SPAG16: variants seen among roughly 807,000 people sequenced by gnomAD.
SPAG16 encodes the protein sperm associated antigen 16.
A neutral mutation model predicts 80.4 loss-of-function variants in SPAG16; 86 were observed. That is an observed-to-expected ratio of 1.07 (90% CI 0.90 to 1.28). The LOEUF (loss-of-function observed/expected upper bound fraction) is 1.28, where lower values mean the gene tolerates loss of function less well. SPAG16 is among the 50% of genes most tolerant of loss of function. The pLI, the probability that SPAG16 is intolerant of heterozygous loss-of-function variation, is 0.00. For missense variants in SPAG16, 870 were observed against 765.3 expected, an observed-to-expected ratio of 1.14 and a Z score of -1.61; for synonymous variants, 294 against 265.9, an observed-to-expected ratio of 1.11 and a Z score of -1.03.
intron 15 of SPAG16, among the ~76,000 whole-genome samples, chr2:214,196,400 A>G (rs2057839555): frequency 6.6e-6 from 1 of 152,038 alleles, no homozygotes; most frequent in Non-Finnish European, 1.5e-5. Context: ...AAATACGAAA[A>G]CAGAAAAACT....
Position 213,584,195 on chromosome 2 carries a change from CTA to C in SPAG16, c.1070+94106_1070+94107del, listed in dbSNP as rs1384313940. On this transcript the variant is annotated intron_variant, in intron 10 of 15. Coordinates refer to ENST00000331683, the MANE Select transcript of SPAG16 (RefSeq NM_024532.5). ...TTTCTTCATTGGATTTTTTTTTATA[CTA>C]GTCCAACTAGCATGCCTGGTGGTGT... Among the ~76,000 whole-genome samples, 235 of 152,074 alleles carry C rather than the reference CTA, an allele frequency of 1.5e-3. 3 individuals carry two copies. The highest frequency in any genetic ancestry group is 4.6e-3 in the African/African-American group (191 of 41,496).
At chr2:213,313,880 G>C (rs147503896) in intron 4 of SPAG16, among the ~76,000 whole-genome samples, 163 of 151,740 alleles carry the variant, frequency 1.1e-3, no homozygotes, top group Middle Eastern at 6.8e-3. Flanking sequence ...TGTCTGTGTT[G>C]GTAATGTATT....
intron 1 of SPAG16, among the ~76,000 whole-genome samples, chr2:213,293,332 G>T (rs1363513323): frequency 1.3e-5 from 2 of 152,124 alleles, no homozygotes; most frequent in Non-Finnish European, 2.9e-5. Flanking sequence ...GAACTAATAC[G>T]CATCCAGTGA....
chr2:213,537,382 A>G (rs2125905487), intron 10 of SPAG16, among the ~76,000 whole-genome samples: 1 of 152,230 alleles, frequency 6.6e-6, no homozygotes, highest in South Asian at 2.1e-4. Context: ...CTTTAAATAT[A>G]GTAATATGTT....
intron 11 of SPAG16, among the ~76,000 whole-genome samples, chr2:213,902,975 T>C (rs1436929273): frequency 6.6e-6 from 1 of 152,184 alleles, no homozygotes; most frequent in Admixed American, 6.5e-5. Flanking sequence ...CAAGATGATC[T>C]CCTTTGACTC....
chr2:214,048,300 A>C (rs555972175), intron 13 of SPAG16, among the ~76,000 whole-genome samples: 1 of 152,322 alleles, frequency 6.6e-6, no homozygotes, highest in South Asian at 2.1e-4. Context: ...CTAAGTGCCC[A>C]TCGACACTTA....
chr2:213,544,439 C>T (rs537056906), intron 10 of SPAG16, among the ~76,000 whole-genome samples: 1 of 152,030 alleles, frequency 6.6e-6, no homozygotes, highest in African/African-American at 2.4e-5. Flanking sequence ...CCCATACCCC[C>T]ACACGTACAT....
intron 13 of SPAG16, among the ~76,000 whole-genome samples, chr2:214,041,899 CTG>C (rs1277962535): frequency 2.1e-5 from 3 of 143,462 alleles, no homozygotes; most frequent in Non-Finnish European, 4.5e-5. Flanking sequence ...TATATATAGT[CTG>C]TGTATATATT....
rs1309895010 is a variant in SPAG16 at position 213,941,439 on chromosome 2, C to T, written c.1400+11294C>T. Among the ~76,000 whole-genome samples, 3 of 152,022 alleles carry T rather than the reference C, an allele frequency of 2.0e-5. No homozygotes were observed. In the East Asian group the frequency reaches 5.8e-4, roughly 29 times the overall value. On this transcript the variant is annotated intron_variant, in intron 12 of 15. Coordinates refer to ENST00000331683, the MANE Select transcript of SPAG16 (RefSeq NM_024532.5). The stretch of plus-strand genomic sequence containing the variant: ...TTTTGCATACATATATATTAATTGA[C>T]ACACACACAAACACACACATACGCA...
At chr2:213,987,325 A>C (rs951732556) in intron 12 of SPAG16, among the ~76,000 whole-genome samples, 22 of 152,148 alleles carry the variant, frequency 1.4e-4, no homozygotes, top group African/African-American at 5.3e-4. Context: ...CCGAATTAGG[A>C]CCTCAGAAGC....
intron 10 of SPAG16, among the ~76,000 whole-genome samples, chr2:213,782,942 A>G (rs1215750511): frequency 2.0e-5 from 3 of 152,068 alleles, no homozygotes; most frequent in Non-Finnish European, 2.9e-5. Flanking sequence ...ACATGTGCAC[A>G]TTGTGCAGGT....
At chr2:214,075,963 C>T (rs1383105372) in intron 13 of SPAG16, among the ~76,000 whole-genome samples, 1 of 152,088 alleles carries the variant, frequency 6.6e-6, no homozygotes. Context: ...TTCTTTCTGT[C>T]ATATCCCCTT....
At position 213,767,139 on chromosome 2, in the gene SPAG16, G is replaced by A. The variant is rs763772138; in HGVS notation, c.1071-95346G>A. The stretch of plus-strand genomic sequence containing the variant: ...TTCTTCAAAGGAAAAGGTTCTCTTC[G>A]TTATCTTCCAGGTGGGAAATTAATT... On this transcript the variant is annotated intron_variant, in intron 10 of 15. Transcript: ENST00000331683. Among the ~76,000 whole-genome samples, 10 of 152,202 alleles carry A rather than the reference G, an allele frequency of 6.6e-5. 1 individual carries two copies. Among genetic ancestry groups the A allele is most frequent in the South Asian group, 6.2e-4 (3 of 4,826 alleles).
intron 1 of SPAG16, 37 bp from the exon 2 acceptor site, chr2:213,296,027 T>C (rs748658083): frequency 9.5e-6 from 15 of 1,576,946 alleles, no homozygotes; most frequent in Admixed American, 3.3e-5. Flanking sequence ...AATTTTATTC[T>C]ATATTTTTTG....
intron 9 of SPAG16, among the ~76,000 whole-genome samples, chr2:213,393,939 C>T (rs1475346311): frequency 6.6e-6 from 1 of 151,796 alleles, no homozygotes; most frequent in African/African-American, 2.4e-5. Context: ...GATTGTTGGC[C>T]CTTGAAGTAT....
chr2:213,373,767 C>T (rs2066758143), intron 8 of SPAG16, among the ~76,000 whole-genome samples: 1 of 152,132 alleles, frequency 6.6e-6, no homozygotes, highest in South Asian at 2.1e-4. Flanking sequence ...GTGTGACCTT[C>T]ACAAGATTAT....
chr2:213,723,379 A>G (rs569394123), intron 10 of SPAG16, among the ~76,000 whole-genome samples: 1 of 152,220 alleles, frequency 6.6e-6, no homozygotes. Flanking sequence ...CTGTGTTTGC[A>G]TATGAAAGCC....
chr2:213,770,044 T>G lies in SPAG16; in HGVS notation c.1071-92441T>G, dbSNP rs548847604. ...GGCTTCTTTAACTCAGCATGAAGATTTGAAGATTTGTCCATGTTGTTGCTT... is the reference window on the plus strand; with the variant it reads ...GGCTTCTTTAACTCAGCATGAAGATGTGAAGATTTGTCCATGTTGTTGCTT... On this transcript the variant is annotated intron_variant, in intron 10 of 15. Coordinates refer to ENST00000331683, the MANE Select transcript of SPAG16 (RefSeq NM_024532.5). Among the ~76,000 whole-genome samples the G allele has an allele frequency of 4.6e-5, 7 of 152,282 alleles. 1 individual carries two copies. Among genetic ancestry groups the G allele is most frequent in the Non-Finnish European group, 7.4e-5 (5 of 68,024 alleles).
At chr2:213,595,360 A>C (rs1195603699) in intron 10 of SPAG16, among the ~76,000 whole-genome samples, 1 of 152,180 alleles carries the variant, frequency 6.6e-6, no homozygotes, top group Non-Finnish European at 1.5e-5. Context: ...TCTTTGGCTA[A>C]GTAGAATAAC....
Sources: allele counts gnomAD v4.1 joint callset (sites outside exome capture counted in the v4.1 genomes callset), GRCh38; gene constraint gnomAD v4.1.1; transcripts MANE v1.5; gene names NCBI Gene and HGNC (gene_info 2026-07-23, HGNC 2026-07-21).